MACROD2: variants seen among roughly 807,000 people sequenced by gnomAD.
MACROD2 encodes the protein ADP-ribose glycohydrolase MACROD2.
A neutral mutation model predicts 70.4 loss-of-function variants in MACROD2; 36 were observed. The observed-to-expected ratio is 0.51, with a 90% CI of 0.39 to 0.68. The LOEUF (loss-of-function observed/expected upper bound fraction) is 0.68. Among genes scored for constraint, MACROD2 ranks in the 30% least tolerant of loss-of-function variants. The pLI is 0.00. For missense variants in MACROD2, 496 were observed against 538.4 expected (o/e 0.92, Z 0.78); for synonymous variants, 172 against 178.8 (o/e 0.96, Z 0.30).
At position 15,431,557 on chromosome 20, in the gene MACROD2, A is replaced by G. The variant is rs1600402235; in HGVS notation, c.571+122A>G. 6.8e-6 allele frequency: 6 copies of G among 878,992 alleles called. 1 individual carries two copies. In the East Asian group the frequency reaches 7.6e-5, roughly 11 times the overall value. 54.4% of individuals were successfully genotyped at this position (878,992 alleles called of 1,614,324 possible). A position where few individuals can be genotyped will look rare whatever the true frequency, so the allele number is the denominator to read the frequency against. On this transcript the variant is annotated intron_variant, in intron 7 of 17. Transcript: ENST00000684519. ...TTTTGCTGTGATTTAGAGACTAAAA[A>G]TGCTCGTCAAATCCCATTAAAGAAT... is the stretch of plus-strand genomic sequence containing the variant.
intron 3 of MACROD2, among the ~76,000 whole-genome samples, chr20:14,301,197 C>G (rs1170862817): frequency 2.6e-5 from 4 of 152,112 alleles, no homozygotes; most frequent in Non-Finnish European, 5.9e-5. Context: ...CTAGAACCCA[C>G]ACATTTAACC....
At chr20:14,202,935 T>A (rs1243396379) in intron 3 of MACROD2, among the ~76,000 whole-genome samples, 2 of 152,030 alleles carry the variant, frequency 1.3e-5, no homozygotes, top group African/African-American at 2.4e-5. Context: ...GTAATCCAGC[T>A]ACTTGGGAGA....
intron 8 of MACROD2, among the ~76,000 whole-genome samples, chr20:15,733,863 G>T (rs1460026979): frequency 6.6e-6 from 1 of 152,180 alleles, no homozygotes; most frequent in Non-Finnish European, 1.5e-5. Flanking sequence ...ACACTGGAGA[G>T]CCAGAGATAG....
chr20:15,462,209 A>G (rs1335139006), intron 7 of MACROD2, among the ~76,000 whole-genome samples: 2 of 152,184 alleles, frequency 1.3e-5, no homozygotes, highest in Non-Finnish European at 2.9e-5. Flanking sequence ...TGAAAAATTT[A>G]CTCTAGGAAA....
At chr20:15,215,249 A>G (rs2076799730) in intron 5 of MACROD2, among the ~76,000 whole-genome samples, 1 of 115,046 alleles carries the variant, frequency 8.7e-6, no homozygotes, top group African/African-American at 3.6e-5. Context: ...TTTCTCCTGT[A>G]TTTTGTGTGT....
chr20:15,237,910 A>C (rs145987236), intron 6 of MACROD2, among the ~76,000 whole-genome samples: 117 of 152,322 alleles, frequency 7.7e-4, no homozygotes, highest in Non-Finnish European at 1.4e-3. Context: ...GCTCAGGCAG[A>C]GAGTGACAGC....
intron 3 of MACROD2, among the ~76,000 whole-genome samples, chr20:14,455,311 A>T (rs1285865293): frequency 1.3e-5 from 2 of 151,834 alleles, no homozygotes; most frequent in Non-Finnish European, 2.9e-5. Context: ...AAGAGCTCAA[A>T]TGTTTAAGAG....
intron 7 of MACROD2, among the ~76,000 whole-genome samples, chr20:15,479,078 T>C (rs900501160): frequency 6.6e-6 from 1 of 152,150 alleles, no homozygotes; most frequent in African/African-American, 2.4e-5. Context: ...AGTTCTTTGC[T>C]CCCTGGTCCT....
chr20:15,062,961 C>T (rs928738907), intron 5 of MACROD2, among the ~76,000 whole-genome samples: 2 of 152,224 alleles, frequency 1.3e-5, no homozygotes, highest in Non-Finnish European at 2.9e-5. Context: ...TAAGATCTGT[C>T]TGCAGATGGG....
At chr20:15,841,960 G>A (rs1344376384) in intron 8 of MACROD2, among the ~76,000 whole-genome samples, 1 of 152,112 alleles carries the variant, frequency 6.6e-6, no homozygotes, top group African/African-American at 2.4e-5. Flanking sequence ...AAAATAGGAA[G>A]CAAAGACCAG....
chr20:14,166,902 A>G (rs1261338907), intron 3 of MACROD2, among the ~76,000 whole-genome samples: 4 of 152,152 alleles, frequency 2.6e-5, no homozygotes, highest in African/African-American at 7.2e-5. Context: ...ACTTCAGCAT[A>G]TTGCTTTCCT....
At chr20:15,764,693 T>C (rs1257111784) in intron 8 of MACROD2, among the ~76,000 whole-genome samples, 1 of 152,202 alleles carries the variant, frequency 6.6e-6, no homozygotes, top group African/African-American at 2.4e-5. Context: ...AGCTTCCTGA[T>C]GGGTTTTCCT....
At chr20:14,591,413 C>A (rs6033981) in intron 4 of MACROD2, among the ~76,000 whole-genome samples, 1 of 152,024 alleles carries the variant, frequency 6.6e-6, no homozygotes, top group Non-Finnish European at 1.5e-5. Context: ...TTGTAAATTA[C>A]GTAGTATAGC....
At chr20:15,567,446 C>CA (rs2048325220) in intron 8 of MACROD2, among the ~76,000 whole-genome samples, 2 of 152,280 alleles carry the variant, frequency 1.3e-5, no homozygotes, top group South Asian at 4.1e-4. Context: ...GACGCGCTGC[C>CA]AACACCTGGG....
chr20:14,672,724 C>G (rs79632634), intron 4 of MACROD2, among the ~76,000 whole-genome samples: 1 of 152,094 alleles, frequency 6.6e-6, no homozygotes, highest in Non-Finnish European at 1.5e-5. Flanking sequence ...CAGAGACTGG[C>G]ATTTTGATTT....
intron 5 of MACROD2, among the ~76,000 whole-genome samples, chr20:14,720,843 C>T (rs1444129934): frequency 6.6e-6 from 1 of 152,018 alleles, no homozygotes; most frequent in Non-Finnish European, 1.5e-5. Context: ...GAAGCCACTG[C>T]TCCCGCCCAC....
chr20:15,194,545 GT>G (rs1328868859), intron 5 of MACROD2, among the ~76,000 whole-genome samples: 2 of 152,042 alleles, frequency 1.3e-5, no homozygotes, highest in African/African-American at 4.8e-5. Context: ...TCTTTACCAT[GT>G]TTTTTAATCA....
At chr20:14,267,689 TA>T (rs1568529148) in intron 3 of MACROD2, among the ~76,000 whole-genome samples, 1 of 152,102 alleles carries the variant, frequency 6.6e-6, no homozygotes, top group East Asian at 1.9e-4. Flanking sequence ...TGATTATTGC[TA>T]AAAATGTTAA....
chr20:14,825,515 C>CA (rs529848224), intron 5 of MACROD2, among the ~76,000 whole-genome samples: 1 of 150,420 alleles, frequency 6.6e-6, no homozygotes. Context: ...ACACCTTTGT[C>CA]AAAAAAAAAT....
Sources: allele counts gnomAD v4.1 joint callset (sites outside exome capture counted in the v4.1 genomes callset), GRCh38; gene constraint gnomAD v4.1.1; transcripts MANE v1.5; gene names NCBI Gene and HGNC (gene_info 2026-07-23, HGNC 2026-07-21).